ZNF521: variants seen among roughly 807,000 people sequenced by gnomAD.
The protein encoded by ZNF521 is zinc finger protein 521.
Under a neutral mutation model 105.5 loss-of-function variants are expected in ZNF521, and 14 were observed. That is an observed-to-expected ratio of 0.13 (90% CI 0.09 to 0.21). ZNF521 has a LOEUF of 0.21. Ranked by LOEUF, ZNF521 falls within the 10% of genes least tolerant of loss-of-function variation. The probability of loss-of-function intolerance (pLI) is 1.00; values close to 1 mark genes in which losing one functional copy is unlikely to be tolerated. For synonymous variants in ZNF521, 635 were observed against 606.0 expected (o/e 1.05, Z -0.70); for missense variants, 1,233 against 1,629.7 (o/e 0.76, Z 4.19).
chr18:25,135,485 G>A (rs1052937535), intron 5 of ZNF521, among the ~76,000 whole-genome samples: 1 of 152,122 alleles, frequency 6.6e-6, no homozygotes, highest in Non-Finnish European at 1.5e-5. Flanking sequence ...AGCCACAGCA[G>A]CAGGAGCAAG....
chr18:25,251,463 C>A (rs1386309407), intron 3 of ZNF521, among the ~76,000 whole-genome samples: 1 of 152,142 alleles, frequency 6.6e-6, no homozygotes, highest in African/African-American at 2.4e-5. Context: ...ACAGCAGGGG[C>A]CTAATAAATG....
rs540694055 is a variant in ZNF521, at chr18:25,094,731, A to G, written c.3659-2650T>C. Among the ~76,000 whole-genome samples, 13 of 152,260 alleles carry G rather than the reference A, an allele frequency of 8.5e-5. No homozygotes were observed. In the South Asian group the frequency reaches 1.7e-3, roughly 19 times the overall value. On this transcript the variant is annotated intron_variant, in intron 5 of 7. Coordinates refer to ENST00000361524, the MANE Select transcript of ZNF521 (RefSeq NM_015461.3). ...CACATTATAAGATGAGCAAAAGCCAATAAGCTCTTAGGTGGACATTTAGAG... is the reference window on the plus strand; with the variant it reads ...CACATTATAAGATGAGCAAAAGCCAGTAAGCTCTTAGGTGGACATTTAGAG...
intron 3 of ZNF521, among the ~76,000 whole-genome samples, chr18:25,286,722 C>A (rs80070402): frequency 2.0e-5 from 3 of 151,698 alleles, no homozygotes; most frequent in Non-Finnish European, 4.4e-5. Context: ...GAAAGAAAAA[C>A]GGGATTTGAA....
At chr18:25,115,075 G>T (rs2034276148) in intron 5 of ZNF521, among the ~76,000 whole-genome samples, 1 of 152,162 alleles carries the variant, frequency 6.6e-6, no homozygotes. Flanking sequence ...GCCAATGGAA[G>T]GGAGTAGAAA....
chr18:25,259,668 T>C lies in ZNF521; in HGVS notation c.221-31971A>G, dbSNP rs568832551. ...CACGCATTGGGCAATAAAGATCTGT[T>C]GAGTGCCTACCATGTGCCAGGCACT... On this transcript the variant is annotated intron_variant, in intron 3 of 7. Transcript: ENST00000361524. 4.4e-4 allele frequency among the ~76,000 whole-genome samples: 67 copies of C among 152,276 alleles called. 1 individual carries two copies. The highest frequency in any genetic ancestry group is 3.4e-3 in the Middle Eastern group (1 of 294).
chr18:25,134,989 G>T (rs1200883998), intron 5 of ZNF521, among the ~76,000 whole-genome samples: 2 of 152,076 alleles, frequency 1.3e-5, no homozygotes, highest in African/African-American at 4.8e-5. Flanking sequence ...AAAAGTAAAG[G>T]AACTGAGCTG....
chr18:25,322,535 C>CAAAAA (rs71902592), intron 2 of ZNF521, among the ~76,000 whole-genome samples: 2 of 107,340 alleles, frequency 1.9e-5, no homozygotes, highest in African/African-American at 3.5e-5. Flanking sequence ...GTCTCCAATG[C>CAAAAA]AAAAAAAAAA....
At chr18:25,176,714 G>A (rs1054721847) in intron 5 of ZNF521, among the ~76,000 whole-genome samples, 1 of 152,200 alleles carries the variant, frequency 6.6e-6, no homozygotes, top group African/African-American at 2.4e-5. Flanking sequence ...CAGGGGCTCC[G>A]AGGGATCGCA....
At chr18:25,149,665 G>A (rs2035009140) in intron 5 of ZNF521, among the ~76,000 whole-genome samples, 1 of 152,126 alleles carries the variant, frequency 6.6e-6, no homozygotes, top group Non-Finnish European at 1.5e-5. Context: ...TATAAATTTT[G>A]TATGACATTT....
At chr18:25,099,549 G>A (rs1295599646) in intron 5 of ZNF521, among the ~76,000 whole-genome samples, 3 of 152,068 alleles carry the variant, frequency 2.0e-5, no homozygotes, top group Non-Finnish European at 4.4e-5. Context: ...ATACCAAAAA[G>A]TGCCATATCA....
chr18:25,221,137 T>C (rs1185593377), intron 4 of ZNF521, among the ~76,000 whole-genome samples: 2 of 152,208 alleles, frequency 1.3e-5, no homozygotes, highest in Non-Finnish European at 2.9e-5. Flanking sequence ...AGATTAATAA[T>C]CTGAGGATTC....
intron 5 of ZNF521, among the ~76,000 whole-genome samples, chr18:25,157,075 T>G (rs1172160125): frequency 6.6e-6 from 1 of 152,080 alleles, no homozygotes; most frequent in Non-Finnish European, 1.5e-5. Flanking sequence ...GATGGGCACC[T>G]GCAGTCCCAG....
At chr18:25,235,141 T>C (rs1185763326) in intron 3 of ZNF521, among the ~76,000 whole-genome samples, 2 of 152,202 alleles carry the variant, frequency 1.3e-5, no homozygotes, top group Non-Finnish European at 2.9e-5. Context: ...CGAAAGGGCC[T>C]GCATTCAAAG....
At chr18:25,301,710 A>C (rs532320745) in intron 3 of ZNF521, among the ~76,000 whole-genome samples, 39 of 152,188 alleles carry the variant, frequency 2.6e-4, no homozygotes, top group Non-Finnish European at 5.0e-4. Context: ...TTGTTCCCAA[A>C]GAATGGGGTA....
At chr18:25,280,433 AAG>A (rs1910294147) in intron 3 of ZNF521, among the ~76,000 whole-genome samples, 3 of 152,032 alleles carry the variant, frequency 2.0e-5, no homozygotes. Context: ...AAAAAAAAAA[AAG>A]AGCAAGATTT....
At chr18:25,186,718 T>C (rs979399427) in intron 5 of ZNF521, among the ~76,000 whole-genome samples, 2 of 152,022 alleles carry the variant, frequency 1.3e-5, no homozygotes, top group Non-Finnish European at 2.9e-5. Context: ...CCTCCAGACC[T>C]TCAGCTCAAT....
At chr18:25,125,892 A>G (rs1460789347) in intron 5 of ZNF521, among the ~76,000 whole-genome samples, 1 of 152,016 alleles carries the variant, frequency 6.6e-6, no homozygotes, top group Non-Finnish European at 1.5e-5. Context: ...TCAAGTATGA[A>G]GTTAGGAAAT....
At chr18:25,196,733 T>C (rs1210620661) in intron 4 of ZNF521, among the ~76,000 whole-genome samples, 1 of 151,786 alleles carries the variant, frequency 6.6e-6, no homozygotes, top group Non-Finnish European at 1.5e-5. Context: ...GATGGTGACA[T>C]ATAGAGCAAC....
At chr18:25,209,288 C>T (rs1384481376) in intron 4 of ZNF521, among the ~76,000 whole-genome samples, 3 of 151,988 alleles carry the variant, frequency 2.0e-5, no homozygotes, top group Non-Finnish European at 4.4e-5. Context: ...CGCGCCACCA[C>T]ACCTGGCTAA....
Sources: gnomAD v4.1 joint callset for allele counts (sites outside exome capture counted in the v4.1 genomes callset) on GRCh38, gnomAD v4.1.1 for gene constraint, MANE v1.5 for transcripts, NCBI Gene and HGNC (gene_info 2026-07-23, HGNC 2026-07-21) for gene names.